Variants in TARBP2 observed in about 807,000 individuals in gnomAD.
TARBP2 encodes the protein RISC-loading complex subunit TARBP2.
A neutral mutation model predicts 40.4 loss-of-function variants in TARBP2; 23 were observed. The observed-to-expected ratio is 0.57, with a 90% CI of 0.41 to 0.81. TARBP2 has a LOEUF of 0.81. TARBP2 is among the 30% of genes least tolerant of loss of function. TARBP2 has a pLI of 0.00. For synonymous variants in TARBP2, 183 were observed against 190.5 expected (o/e 0.96, Z 0.32); for missense variants, 358 against 473.7 (o/e 0.76, Z 2.27).
intron 1 of TARBP2, among the ~76,000 whole-genome samples, 156 bp from the exon 2 acceptor site, chr12:53,501,859 G>C (rs1317475138): frequency 6.6e-6 from 1 of 152,216 alleles, no homozygotes; most frequent in Non-Finnish European, 1.5e-5. Context: ...TTTCCAGCCT[G>C]CACCTCCACT....
chr12:53,506,427 T>C lies in TARBP2; in HGVS notation c.*279T>C, dbSNP rs1306305760. The C allele has an allele frequency of 3.9e-6, 2 of 516,318 alleles. No individual in the cohort carries two copies. The highest frequency in any genetic ancestry group is 3.0e-5 in the South Asian group (1 of 33,724). 32.0% of individuals were successfully genotyped at this position (516,318 alleles called of 1,614,324 possible). On this transcript the variant is annotated 3_prime_UTR_variant, in exon 9 of 9. Transcript: ENST00000266987. ...GAATAAATATGCTGCTTTGTGGATT[T>C]TTAAGCCCTTCTCTTCTGTTTCCTT...
rs762132644 is a variant in TARBP2, at chr12:53,505,600, G to A, written c.742-49G>A. Reference sequence around the variant, plus strand: ...TTGACGTTGAATGTCTCAATGCCTGGGTCCCACAGTCTCTCGCTTCATCTT... The same window carrying A: ...TTGACGTTGAATGTCTCAATGCCTGAGTCCCACAGTCTCTCGCTTCATCTT... On this transcript the variant is annotated intron_variant, in intron 7 of 8. Coordinates refer to ENST00000266987, the MANE Select transcript of TARBP2 (RefSeq NM_134323.2). This position sits in a 1 kb window ranked among gnomAD's most constrained non-coding sequence, Gnocchi z 4.5. 5 of 1,549,238 alleles carry A rather than the reference G, an allele frequency of 3.2e-6. No homozygotes were observed. The highest frequency in any genetic ancestry group is 4.5e-6 in the Non-Finnish European group (5 of 1,122,704).
Position 53,505,840 on chromosome 12 carries a change from C to T in TARBP2, c.933C>T (p.Tyr311=). The T allele has an allele frequency of 6.2e-7, 1 of 1,613,850 alleles. No homozygotes were observed. The change falls in exon 8 of 9, where the codon TAC becomes TAT. Residue 311 remains tyrosine (Y), a synonymous_variant. Coordinates refer to ENST00000266987, the MANE Select transcript of TARBP2 (RefSeq NM_134323.2). The surrounding 1 kb of genome is among the most constrained non-coding windows in gnomAD (Gnocchi z 4.5). The part of the protein sequence containing the change: ...LSEEQAFHVS[Y]LDIEELSLSG... ...AGGAGCAGGCCTTTCACGTCAGCTA[C>T]CTGGATATTGGTATGGCTAGCTGGG... is the stretch of plus-strand genomic sequence containing the variant.
chr12:53,506,243 T>C lies in TARBP2; in HGVS notation c.*95T>C. 1 of 1,452,682 alleles carries C rather than the reference T, an allele frequency of 6.9e-7. No homozygotes were observed. The highest frequency in any genetic ancestry group is 9.2e-7 in the Non-Finnish European group (1 of 1,085,000). The allele number at this position is 1,452,682 out of a possible 1,614,324, so 90.0% of individuals were successfully genotyped here. A position where few individuals can be genotyped will look rare whatever the true frequency, so the allele number is the denominator to read the frequency against. On this transcript the variant is annotated 3_prime_UTR_variant, in exon 9 of 9. Transcript: ENST00000266987. ...GCGCAGCTCTGGTACCCTCTGTGGG[T>C]GCCATCTCTACCTCTGACACAGACT... is the stretch of plus-strand genomic sequence containing the variant.
At position 53,503,213 on chromosome 12, in the gene TARBP2, G is replaced by A. The variant is rs1050307551; in HGVS notation, c.326+84G>A. On this transcript the variant is annotated intron_variant, in intron 3 of 8. Coordinates refer to ENST00000266987, the MANE Select transcript of TARBP2 (RefSeq NM_134323.2). ...CCACTCTGCCCCGAGGCCTGGCCAG[G>A]TGACACTTAGCCACCCTGACCTGGC... 5 of 1,452,122 alleles carry A rather than the reference G, an allele frequency of 3.4e-6. No homozygotes were observed. The African/African-American group carries it at 4.3e-5, about 12-fold the overall frequency. 90.0% of individuals were successfully genotyped at this position (1,452,122 alleles called of 1,614,324 possible). A position where few individuals can be genotyped will look rare whatever the true frequency, so the allele number is the denominator to read the frequency against.
chr12:53,504,356 A>C, intron 4 of TARBP2, 41 bp from the exon 5 acceptor site: 1 of 1,513,178 alleles, frequency 6.6e-7, no homozygotes, highest in Non-Finnish European at 8.8e-7. Context: ...GCTCAGATGG[A>C]ACCCTTCACC....
In TARBP2 at chr12:53,505,584, A is replaced by C. The variant is rs1943938797; in HGVS notation, c.742-65A>C. 3 of 1,482,222 alleles carry C rather than the reference A, an allele frequency of 2.0e-6. No individual in the cohort carries two copies. Among genetic ancestry groups the C allele is most frequent in the Admixed American group, 1.7e-5 (1 of 58,692 alleles). 91.8% of individuals were successfully genotyped at this position (1,482,222 alleles called of 1,614,324 possible). A position where few individuals can be genotyped will look rare whatever the true frequency, so the allele number is the denominator to read the frequency against. On this transcript the variant is annotated intron_variant, in intron 7 of 8. Coordinates refer to ENST00000266987, the MANE Select transcript of TARBP2 (RefSeq NM_134323.2). This position sits in a 1 kb window ranked among gnomAD's most constrained non-coding sequence, Gnocchi z 4.5. ...TGTGCTTTGTTCTCCTTTGACGTTG[A>C]ATGTCTCAATGCCTGGGTCCCACAG...
Position 53,505,416 on chromosome 12 carries a change from G to C in TARBP2, c.741+154G>C, listed in dbSNP as rs950578148. 6.6e-6 allele frequency among the ~76,000 whole-genome samples: 1 copy of C among 152,144 alleles called. No homozygotes were observed. ...TACCAGACCCAGGGTTCCTGGGGCC[G>C]ACTCAGCCTTGACTGTAGGCCCGCT... On this transcript the variant is annotated intron_variant, in intron 7 of 8. Transcript: ENST00000266987. This position sits in a 1 kb window ranked among gnomAD's most constrained non-coding sequence, Gnocchi z 4.5.
chr12:53,501,537 C>T, intron 1 of TARBP2, 76 bp downstream of exon 1: 1 of 1,544,906 alleles, frequency 6.5e-7, no homozygotes, highest in Non-Finnish European at 8.8e-7. Context: ...GCGGCCCCAG[C>T]ATGCACCTGG....
At chr12:53,503,565 A>C in intron 3 of TARBP2, 148 bp from the exon 4 acceptor site, 2 of 638,942 alleles carry the variant, frequency 3.1e-6, no homozygotes, top group Non-Finnish European at 5.6e-6. Context: ...GGATCCGAGG[A>C]GGAAGCTGTT....
chr12:53,501,628 G>T (rs531501207), intron 1 of TARBP2, 167 bp downstream of exon 1: 2 of 1,458,618 alleles, frequency 1.4e-6, no homozygotes, highest in South Asian at 1.4e-5. Context: ...GCTGCCTCCA[G>T]CTCTAAATAG....
chr12:53,503,272 GT>G (rs1211458998), intron 3 of TARBP2, 143 bp downstream of exon 3: 218 of 1,403,276 alleles, frequency 1.6e-4, no homozygotes, highest in Non-Finnish European at 2.0e-4. Context: ...CCTGAACAGG[GT>G]TTTCCAGGGC....
In TARBP2 at chr12:53,501,478, C is replaced by A; in HGVS notation, c.53+17C>A. 1.3e-6 allele frequency: 2 copies of A among 1,560,824 alleles called. No individual in the cohort carries two copies. The highest frequency in any genetic ancestry group is 2.4e-5 in the East Asian group (1 of 41,746). ...GCTGCCTAGGTGAGCCGTCTCGTAC[C>A]GATTCCTTCAGGGCGAAAAGCGTGG... is the stretch of plus-strand genomic sequence containing the variant. On this transcript the variant is annotated intron_variant, in intron 1 of 8. Transcript: ENST00000266987.
At chr12:53,502,875 A>G (rs1056319238) in intron 2 of TARBP2, 152 bp from the exon 3 acceptor site, 9 of 683,032 alleles carry the variant, frequency 1.3e-5, no homozygotes, top group African/African-American at 9.4e-5. Context: ...CCTTCCAGCA[A>G]TTAGTGAAAC....
intron 1 of TARBP2, chr12:53,501,717 T>C: frequency 1.4e-6 from 2 of 1,431,950 alleles, no homozygotes; most frequent in Non-Finnish European, 1.8e-6. Flanking sequence ...TGGTGGGTAC[T>C]GGGTTCCTGG....
Position 53,503,790 on chromosome 12 carries a change from C to G in TARBP2, c.404C>G (p.Pro135Arg), listed in dbSNP as rs1943830969. The change falls in exon 4 of 9, where the codon CCA (proline) becomes CGA (arginine). Residue 135 changes from proline to arginine, a missense_variant. Around this residue, in one of 3 missense-constraint regions of TARBP2, gnomAD observed 317 missense variants for 422.9 expected, o/e 0.75. Transcript: ENST00000266987. Reference sequence around the variant, plus strand: ...GCTGCAGCAGCTGCTACCCCAGTTCCATCTGTAGTCCTAACCAGGTATCTG... The same window carrying G: ...GCTGCAGCAGCTGCTACCCCAGTTCGATCTGTAGTCCTAACCAGGTATCTG... ...FTAAAAATPV[P>R]SVVLTRSPPM... 1.2e-6 allele frequency: 2 copies of G among 1,614,152 alleles called. No homozygotes were observed. The highest frequency in any genetic ancestry group is 1.7e-6 in the Non-Finnish European group (2 of 1,179,960).
In TARBP2 at chr12:53,505,185, C is replaced by G. The variant is rs1445665081; in HGVS notation, c.664C>G (p.Leu222Val). 1 of 1,611,898 alleles carries G rather than the reference C, an allele frequency of 6.2e-7. No individual in the cohort carries two copies. Reference protein sequence around the residue: ...LAKRNAAAKMLLRVHTVPLDA... With the variant: ...LAKRNAAAKMVLRVHTVPLDA... ...AAAGCGGAATGCGGCGGCCAAAATGCTGCTTCGAGTGCACACGGTGCCTCT... is the reference window on the plus strand; with the variant it reads ...AAAGCGGAATGCGGCGGCCAAAATGGTGCTTCGAGTGCACACGGTGCCTCT... The change falls in exon 7 of 9, where the codon CTG (leucine) becomes GTG (valine). Residue 222 changes from leucine to valine, a missense_variant. Leu to Val is a conservative substitution (Grantham distance 32). Coordinates refer to ENST00000266987, the MANE Select transcript of TARBP2 (RefSeq NM_134323.2). This position sits in a 1 kb window ranked among gnomAD's most constrained non-coding sequence, Gnocchi z 4.5.
intron 6 of TARBP2, 38 bp downstream of exon 6, chr12:53,504,853 C>G (rs575194932): frequency 6.2e-7 from 1 of 1,607,054 alleles, no homozygotes; most frequent in Admixed American, 1.7e-5. Context: ...ACTCCTCTCC[C>G]GCAGCACTCT....
Position 53,505,248 on chromosome 12 carries a change from GACC to G in TARBP2, c.730_732del (p.His244del). The G allele has an allele frequency of 3.7e-6, 6 of 1,600,636 alleles. No individual in the cohort carries two copies. The highest frequency in any genetic ancestry group is 3.4e-6 in the Non-Finnish European group (4 of 1,169,464). On this transcript the variant is annotated inframe_deletion, in exon 7 of 9. Transcript: ENST00000266987. This position sits in a 1 kb window ranked among gnomAD's most constrained non-coding sequence, Gnocchi z 4.5. ...TGGCAATGAGGTGGAGCCTGATGAT[GACC>G]ACTTCTCCATTGTGAGTGGCTCATG...
Sources: allele counts gnomAD v4.1 joint callset (sites outside exome capture counted in the v4.1 genomes callset), GRCh38; gene constraint gnomAD v4.1.1; regional missense constraint gnomAD v4.1.1; non-coding constraint Gnocchi (gnomAD v3.1); transcripts MANE v1.5; gene names NCBI Gene and HGNC (gene_info 2026-07-23, HGNC 2026-07-21).